Variants in EDA observed in about 807,000 individuals in gnomAD.
The protein encoded by EDA is ectodysplasin-A.
In EDA, 2 loss-of-function variants were observed where a neutral mutation model predicts 23.6. The observed-to-expected ratio is 0.08, with a 90% CI of 0.03 to 0.27. The LOEUF is 0.27. Among genes scored for constraint, EDA ranks in the 10% least tolerant of loss-of-function variants. The probability of loss-of-function intolerance (pLI) is 1.00; values close to 1 mark genes in which losing one functional copy is unlikely to be tolerated. For missense variants in EDA, 229 were observed against 324.2 expected (o/e 0.71, Z 2.26); for synonymous variants, 131 against 132.0 (o/e 0.99, Z 0.05).
At position 69,655,762 on chromosome X, in the gene EDA, CTATATATATA is replaced by C. The variant is rs3077261; in HGVS notation, c.396+39074_396+39083del. ...CCACTATTATTTACATCATTAGAATCTATATATATATATATATATATATATTGCACTTTGT... is the reference window on the plus strand; with the variant it reads ...CCACTATTATTTACATCATTAGAATCTATATATATATATATTGCACTTTGT... On this transcript the variant is annotated intron_variant, in intron 1 of 7. Transcript: ENST00000374552. Among the ~76,000 whole-genome samples, 124 of 52,478 alleles carry C rather than the reference CTATATATATA, an allele frequency of 2.4e-3. 10 individuals carry two copies. The highest frequency in any genetic ancestry group is 0.013 in the African/African-American group (116 of 8,934). 45.6% of individuals were successfully genotyped at this position (52,478 alleles called of 115,157 possible). A position where few individuals can be genotyped will look rare whatever the true frequency, so the allele number is the denominator to read the frequency against.
chrX:69,812,160 A>G lies in EDA; in HGVS notation c.397-144867A>G, dbSNP rs527782386. Among the ~76,000 whole-genome samples, 8 of 112,317 alleles carry G rather than the reference A, an allele frequency of 7.1e-5. No individual in the cohort carries two copies. In the South Asian group the frequency reaches 1.8e-3, roughly 26 times the overall value. ...AAAAGCTACTAGTGTTTTTTAAAATATCGATGTTAGTAATCTCAGATTTAT... is the reference window on the plus strand; with the variant it reads ...AAAAGCTACTAGTGTTTTTTAAAATGTCGATGTTAGTAATCTCAGATTTAT... On this transcript the variant is annotated intron_variant, in intron 1 of 7. Transcript: ENST00000374552.
intron 1 of EDA, among the ~76,000 whole-genome samples, chrX:69,944,943 G>A (rs1281630844): frequency 1.8e-5 from 2 of 111,708 alleles, no homozygotes; most frequent in South Asian, 3.8e-4. Flanking sequence ...GTTGCTTTCC[G>A]CTGTGACAGG....
chrX:69,758,345 T>A (rs944236252), intron 1 of EDA, among the ~76,000 whole-genome samples: 3 of 112,054 alleles, frequency 2.7e-5, no homozygotes, highest in African/African-American at 9.7e-5. Flanking sequence ...TGAAATGCTC[T>A]AATAGTGTGG....
intron 2 of EDA, among the ~76,000 whole-genome samples, chrX:69,968,007 A>G (rs2019198349): frequency 9.0e-6 from 1 of 111,557 alleles, no homozygotes; most frequent in African/African-American, 3.2e-5. Flanking sequence ...GAAGAGAGGA[A>G]TAGCTAGAGA....
At chrX:69,841,994 A>G (rs1602472511) in intron 1 of EDA, among the ~76,000 whole-genome samples, 1 of 112,224 alleles carries the variant, frequency 8.9e-6, no homozygotes, top group East Asian at 2.8e-4. Flanking sequence ...TATTTCTGCT[A>G]TCTACTATAT....
chrX:69,898,166 G>A (rs1490368763), intron 1 of EDA, among the ~76,000 whole-genome samples: 3 of 111,817 alleles, frequency 2.7e-5, no homozygotes, highest in Non-Finnish European at 3.8e-5. Context: ...TATAGGACTC[G>A]ATTCCTCCCC....
chrX:69,785,762 GT>G (rs1380368182), intron 1 of EDA, among the ~76,000 whole-genome samples: 1 of 105,632 alleles, frequency 9.5e-6, no homozygotes, highest in Non-Finnish European at 2.0e-5. Flanking sequence ...CTCTTTTTTG[GT>G]TGTGTCTCTG....
At chrX:69,936,395 G>A (rs767180401) in intron 1 of EDA, among the ~76,000 whole-genome samples, 113 of 111,461 alleles carry the variant, frequency 1.0e-3, no homozygotes, top group Admixed American at 2.9e-3. Context: ...GGTTTGAAAA[G>A]TCTTCAGTCA....
intron 1 of EDA, among the ~76,000 whole-genome samples, chrX:69,944,467 T>C (rs971902161): frequency 9.0e-6 from 1 of 111,688 alleles, no homozygotes; most frequent in African/African-American, 3.3e-5. Flanking sequence ...AGAAATGTCC[T>C]CCAGGAGCCA....
intron 1 of EDA, among the ~76,000 whole-genome samples, chrX:69,650,492 A>C (rs1933069873): frequency 9.0e-6 from 1 of 111,637 alleles, no homozygotes; most frequent in Non-Finnish European, 1.9e-5. Context: ...ATAAGGAATA[A>C]GTTCTAGTGT....
chrX:69,645,963 G>A (rs1460620901), intron 1 of EDA, among the ~76,000 whole-genome samples: 1 of 110,850 alleles, frequency 9.0e-6, no homozygotes, highest in Non-Finnish European at 1.9e-5. Flanking sequence ...CAGTCATTCA[G>A]GAGCATATTG....
chrX:69,798,391 C>A (rs1052726008), intron 1 of EDA, among the ~76,000 whole-genome samples: 1 of 111,583 alleles, frequency 9.0e-6, no homozygotes, highest in Non-Finnish European at 1.9e-5. Context: ...GTGGAACATT[C>A]TCCAGGATAG....
intron 1 of EDA, among the ~76,000 whole-genome samples, chrX:69,938,812 A>G (rs925540656): frequency 8.9e-6 from 1 of 112,276 alleles, no homozygotes; most frequent in Non-Finnish European, 1.9e-5. Flanking sequence ...ATTCTTTTGC[A>G]AATGGATATC....
At chrX:69,694,122 A>T (rs1277338567) in intron 1 of EDA, among the ~76,000 whole-genome samples, 2 of 112,239 alleles carry the variant, frequency 1.8e-5, no homozygotes, top group Non-Finnish European at 3.8e-5. Context: ...ATGAGTTATG[A>T]AGTACAGAAC....
chrX:70,005,498 A>G (rs1242257186), intron 2 of EDA, among the ~76,000 whole-genome samples: 1 of 111,425 alleles, frequency 9.0e-6, no homozygotes, highest in African/African-American at 3.3e-5. Context: ...AGGAGTTAAC[A>G]ATGTATTAAG....
intron 1 of EDA, among the ~76,000 whole-genome samples, chrX:69,746,614 G>A (rs759865209): frequency 9.0e-6 from 1 of 111,158 alleles, no homozygotes; most frequent in South Asian, 3.8e-4. Flanking sequence ...ATAAAACCTG[G>A]CTTAAGGTGG....
intron 2 of EDA, among the ~76,000 whole-genome samples, chrX:69,962,319 C>A (rs2019113395): frequency 8.9e-6 from 1 of 112,192 alleles, no homozygotes; most frequent in African/African-American, 3.2e-5. Flanking sequence ...GGAGAAGTCA[C>A]GTACTTCTAA....
chrX:69,864,901 G>T (rs1341406595), intron 1 of EDA, among the ~76,000 whole-genome samples: 1 of 111,320 alleles, frequency 9.0e-6, no homozygotes, highest in Admixed American at 9.6e-5. Context: ...TGAGGTATGA[G>T]AACTGCTTGA....
At chrX:69,716,859 T>G (rs2012356145) in intron 1 of EDA, among the ~76,000 whole-genome samples, 1 of 111,260 alleles carries the variant, frequency 9.0e-6, no homozygotes, top group Non-Finnish European at 1.9e-5. Context: ...CTGATTTGGC[T>G]CTCTGCTTGG....
Sources: allele counts gnomAD v4.1 joint callset (sites outside exome capture counted in the v4.1 genomes callset), GRCh38; gene constraint gnomAD v4.1.1; transcripts MANE v1.5; gene names NCBI Gene and HGNC (gene_info 2026-07-23, HGNC 2026-07-21).